Variants in TAFA1 observed in about 807,000 individuals in gnomAD.
TAFA1 encodes the protein chemokine-like protein TAFA-1.
Under a neutral mutation model 18.5 loss-of-function variants are expected in TAFA1, and 4 were observed. That is an observed-to-expected ratio of 0.22 (90% CI 0.11 to 0.49). The LOEUF (loss-of-function observed/expected upper bound fraction) is 0.49, where lower values mean the gene tolerates loss of function less well. Ranked by LOEUF, TAFA1 falls within the 20% of genes least tolerant of loss-of-function variation. The pLI is 0.98. For missense variants in TAFA1, 147 were observed against 169.0 expected, an observed-to-expected ratio of 0.87 and a Z score of 0.72; for synonymous variants, 56 against 55.2, an observed-to-expected ratio of 1.01 and a Z score of -0.06.
chr3:68,079,885 G>A (rs567879480), intron 2 of TAFA1, among the ~76,000 whole-genome samples: 43 of 152,106 alleles, frequency 2.8e-4, no homozygotes, highest in East Asian at 5.8e-4. Context: ...TTTCTGTCCC[G>A]TTGATCTGTC....
intron 2 of TAFA1, among the ~76,000 whole-genome samples, chr3:68,376,321 G>C (rs920196452): frequency 4.6e-5 from 7 of 151,488 alleles, no homozygotes; most frequent in African/African-American, 1.7e-4. Context: ...CTTGTGTCAT[G>C]GGTTTTTTTT....
chr3:68,283,683 G>T (rs2067943315), intron 2 of TAFA1, among the ~76,000 whole-genome samples: 1 of 152,104 alleles, frequency 6.6e-6, no homozygotes, highest in Non-Finnish European at 1.5e-5. Flanking sequence ...GCATATGCCT[G>T]GCATATTATA....
chr3:68,147,017 A>ATGTGTGTG lies in TAFA1; in HGVS notation c.118+140274_118+140275insGTGTGTGT, dbSNP rs202212238. Among the ~76,000 whole-genome samples, 5 of 146,768 alleles carry ATGTGTGTG rather than the reference A, an allele frequency of 3.4e-5. No individual in the cohort carries two copies. The South Asian group carries it at 6.4e-4, about 19-fold the overall frequency. ...AAATACCTCTTGTGTGTGTATATAT[A>ATGTGTGTG]TATGTGTGTGTGTGTGTGTGTGTAT... On this transcript the variant is annotated intron_variant, in intron 2 of 4. Coordinates refer to ENST00000478136, the MANE Select transcript of TAFA1 (RefSeq NM_213609.4).
chr3:68,369,052 A>G (rs2069628521), intron 2 of TAFA1, among the ~76,000 whole-genome samples: 1 of 152,228 alleles, frequency 6.6e-6, no homozygotes, highest in African/African-American at 2.4e-5. Context: ...GATATTGTCA[A>G]AATAGATAGC....
chr3:68,092,810 A>G (rs2065044707), intron 2 of TAFA1, among the ~76,000 whole-genome samples: 1 of 152,134 alleles, frequency 6.6e-6, no homozygotes, highest in Admixed American at 6.6e-5. Flanking sequence ...CCATGTGCAT[A>G]CAGAAGAAGG....
intron 2 of TAFA1, among the ~76,000 whole-genome samples, chr3:68,120,546 G>T (rs1014717785): frequency 1.3e-5 from 2 of 152,048 alleles, no homozygotes; most frequent in African/African-American, 4.8e-5. Context: ...ACTGCACGTG[G>T]CCAACCTCTA....
intron 2 of TAFA1, among the ~76,000 whole-genome samples, chr3:68,197,672 G>C (rs1351637499): frequency 1.3e-5 from 2 of 151,448 alleles, no homozygotes; most frequent in Non-Finnish European, 3.0e-5. Flanking sequence ...ATCGAGCAAA[G>C]CATGAATATA....
At chr3:68,041,716 G>A (rs964198570) in intron 2 of TAFA1, among the ~76,000 whole-genome samples, 4 of 152,162 alleles carry the variant, frequency 2.6e-5, no homozygotes, top group Non-Finnish European at 4.4e-5. Flanking sequence ...ATGTTCTCTA[G>A]GACTTTTCCC....
At chr3:68,014,677 A>G (rs996135199) in intron 2 of TAFA1, among the ~76,000 whole-genome samples, 4 of 152,226 alleles carry the variant, frequency 2.6e-5, no homozygotes, top group African/African-American at 4.8e-5. Context: ...TATCTATTTG[A>G]CATAGCAGGA....
intron 2 of TAFA1, among the ~76,000 whole-genome samples, chr3:68,117,748 T>C (rs1248359033): frequency 6.6e-6 from 1 of 152,252 alleles, no homozygotes; most frequent in Non-Finnish European, 1.5e-5. Context: ...GTAAGTGTTA[T>C]GTCTTAAAAA....
chr3:68,469,025 T>A (rs1294006785), intron 3 of TAFA1, among the ~76,000 whole-genome samples: 1 of 152,142 alleles, frequency 6.6e-6, no homozygotes, highest in East Asian at 1.9e-4. Context: ...TACATCTCAA[T>A]GGTTCAAACT....
chr3:68,109,336 G>A (rs1389093588), intron 2 of TAFA1, among the ~76,000 whole-genome samples: 1 of 152,012 alleles, frequency 6.6e-6, no homozygotes, highest in Non-Finnish European at 1.5e-5. Flanking sequence ...TCAGCAATGT[G>A]GCATCATTGT....
chr3:68,231,453 C>T lies in TAFA1; in HGVS notation c.119-185827C>T, dbSNP rs1030176690. Among the ~76,000 whole-genome samples, 418 of 147,808 alleles carry T rather than the reference C, an allele frequency of 2.8e-3. 2 individuals are homozygous for T. Among genetic ancestry groups the T allele is most frequent in the Non-Finnish European group, 4.8e-3 (326 of 67,240 alleles). On this transcript the variant is annotated intron_variant, in intron 2 of 4. Transcript: ENST00000478136. Reference sequence around the variant, plus strand: ...TCGGCTCACTGCAAGCTCCGCTTCCCGGGTTCACGCCATTCTCCTGCCTCA... The same window carrying T: ...TCGGCTCACTGCAAGCTCCGCTTCCTGGGTTCACGCCATTCTCCTGCCTCA...
the TAFA1 span, among the ~76,000 whole-genome samples, chr3:67,995,378 G>A: frequency 6.6e-6 from 1 of 152,084 alleles, no homozygotes; most frequent in African/African-American, 2.4e-5. Context: ...CTGGGTGGGG[G>A]CCAGGGCATT....
At chr3:68,417,460 A>C (rs753262703) in intron 3 of TAFA1, 40 bp downstream of exon 3, 2 of 1,595,448 alleles carry the variant, frequency 1.3e-6, no homozygotes, top group Non-Finnish European at 1.7e-6. Flanking sequence ...CTCACATGGC[A>C]TTCACTATAC....
At chr3:68,073,279 T>C (rs895622577) in intron 2 of TAFA1, among the ~76,000 whole-genome samples, 2 of 152,238 alleles carry the variant, frequency 1.3e-5, no homozygotes, top group African/African-American at 4.8e-5. Context: ...AACCTGATCT[T>C]ACATGTTAGA....
At chr3:68,456,777 ACTTTT>A (rs1272988013) in intron 3 of TAFA1, among the ~76,000 whole-genome samples, 1 of 152,068 alleles carries the variant, frequency 6.6e-6, no homozygotes, top group Non-Finnish European at 1.5e-5. Context: ...ACAGCTTCCC[ACTTTT>A]CTTTTTTCTT....
Position 68,004,341 on chromosome 3 carries a change from C to T in TAFA1, c.-365C>T, listed in dbSNP as rs1004094592. The T allele has an allele frequency of 3.9e-5, 6 of 152,168 alleles. No homozygotes were observed. The highest frequency in any genetic ancestry group is 1.4e-4 in the African/African-American group (6 of 41,428). 9.4% of individuals were successfully genotyped at this position (152,168 alleles called of 1,614,324 possible). ...ATGCACTGGAGTGGGGATGGTCCAT[C>T]GGCAACTATAAACTGATTCTCATCA... On this transcript the variant is annotated 5_prime_UTR_variant, in exon 1 of 5. Transcript: ENST00000478136.
At chr3:68,325,377 C>G (rs2068760047) in intron 2 of TAFA1, among the ~76,000 whole-genome samples, 1 of 152,114 alleles carries the variant, frequency 6.6e-6, no homozygotes, top group South Asian at 2.1e-4. Flanking sequence ...GTTATTCAAT[C>G]TCTTTCTCAT....
Sources: allele counts gnomAD v4.1 joint callset (sites outside exome capture counted in the v4.1 genomes callset), GRCh38; gene constraint gnomAD v4.1.1; transcripts MANE v1.5; gene names NCBI Gene and HGNC (gene_info 2026-07-23, HGNC 2026-07-21).